Variants in OTOA observed in about 807,000 individuals in gnomAD.
The protein encoded by OTOA is cancer/testis antigen 108.
OTOA carries 70 observed loss-of-function variants against 110.8 expected under a neutral mutation model. The observed-to-expected ratio is 0.63, with a 90% CI of 0.52 to 0.77. The LOEUF is 0.77. OTOA is among the 30% of genes least tolerant of loss of function. The pLI, the probability that OTOA is intolerant of heterozygous loss-of-function variation, is 0.00. For synonymous variants in OTOA, 373 were observed against 431.5 expected (o/e 0.86, Z 1.68); for missense variants, 917 against 1,075.8 (o/e 0.85, Z 2.06).
rs143349872 is a variant in OTOA, at chr16:21,717,428, G to A, written c.1629+381G>A. Among the ~76,000 whole-genome samples, 518 of 152,208 alleles carry A rather than the reference G, an allele frequency of 3.4e-3. 2 individuals are homozygous for A. Among genetic ancestry groups the A allele is most frequent in the South Asian group, 0.014 (69 of 4,820 alleles). ...TCCACTCCAGTCTGGGCGACAGAGC[G>A]AGACCCTGTCTCTTAAAAAAAAAGT... On this transcript the variant is annotated intron_variant, in intron 15 of 28. Coordinates refer to ENST00000646100, the MANE Select transcript of OTOA (RefSeq NM_144672.4).
intron 10 of OTOA, 152 bp downstream of exon 10, chr16:21,698,027 C>T (rs1897979593): frequency 2.9e-6 from 2 of 687,820 alleles, no homozygotes; most frequent in Non-Finnish European, 5.1e-6. Context: ...CTGAAGAAAA[C>T]TATTGGAAGA....
intron 8 of OTOA, among the ~76,000 whole-genome samples, chr16:21,689,306 G>T (rs562206245): frequency 1.6e-4 from 24 of 152,218 alleles, no homozygotes; most frequent in Non-Finnish European, 1.2e-4. Context: ...TGACCTCATC[G>T]TTTCTCTAGG....
At chr16:21,684,721 T>C (rs1430909753) in intron 6 of OTOA, among the ~76,000 whole-genome samples, 1 of 73,732 alleles carries the variant, frequency 1.4e-5, no homozygotes, top group Non-Finnish European at 2.6e-5. Context: ...AGGAATCCCC[T>C]TATTATTATT....
At chr16:21,719,227 G>A (rs780423019) in intron 16 of OTOA, 36 bp downstream of exon 16, 3 of 1,610,446 alleles carry the variant, frequency 1.9e-6, no homozygotes, top group African/African-American at 1.3e-5. Context: ...TGCTGAACAG[G>A]CCTTTCAGAG....
intron 11 of OTOA, 107 bp downstream of exon 11, chr16:21,701,134 C>T: frequency 2.0e-6 from 3 of 1,529,552 alleles, no homozygotes; most frequent in Non-Finnish European, 2.7e-6. Flanking sequence ...GGTGGCTGGT[C>T]CATCTCTTTG....
At chr16:21,690,454 C>T (rs980344769) in intron 8 of OTOA, among the ~76,000 whole-genome samples, 4 of 149,920 alleles carry the variant, frequency 2.7e-5, no homozygotes, top group Admixed American at 2.0e-4. Context: ...GTTTCATTTT[C>T]TGTTCCTGCG....
chr16:21,695,332 G>A (rs1393764639), intron 9 of OTOA, among the ~76,000 whole-genome samples: 1 of 150,986 alleles, frequency 6.6e-6, no homozygotes, highest in Non-Finnish European at 1.5e-5. Flanking sequence ...GCTTCAGTGA[G>A]CTATGATCAT....
At position 21,714,259 on chromosome 16, in the gene OTOA, CTT is replaced by C. The variant is rs1390651737; in HGVS notation, c.1321-724_1321-723del. ...TCTTTCCTTTCTTTCTTTTTTCTTT[CTT>C]TCTTTCTTTCTTTCCTCCTTCCTTT... On this transcript the variant is annotated intron_variant, in intron 13 of 28. Coordinates refer to ENST00000646100, the MANE Select transcript of OTOA (RefSeq NM_144672.4). Among the ~76,000 whole-genome samples, 561 of 141,780 alleles carry C rather than the reference CTT, an allele frequency of 4.0e-3. 6 individuals carry two copies. The highest frequency in any genetic ancestry group is 0.014 in the African/African-American group (543 of 38,266). 93.0% of individuals were successfully genotyped at this position (141,780 alleles called of 152,430 possible).
chr16:21,688,081 A>G (rs1412039618), intron 8 of OTOA, among the ~76,000 whole-genome samples: 1 of 152,080 alleles, frequency 6.6e-6, no homozygotes, highest in Non-Finnish European at 1.5e-5. Flanking sequence ...CACGTTTTGG[A>G]GCAAAAGCTT....
rs1966873318 is a variant in OTOA at position 21,679,532 on chromosome 16, G to A, written c.179+321G>A. Among the ~76,000 whole-genome samples, 3 of 151,982 alleles carry A rather than the reference G, an allele frequency of 2.0e-5. No homozygotes were observed. In the South Asian group the frequency reaches 6.2e-4, roughly 32 times the overall value. On this transcript the variant is annotated intron_variant, in intron 5 of 28. Coordinates refer to ENST00000646100, the MANE Select transcript of OTOA (RefSeq NM_144672.4). ...CAATTTTCCTGCCTCAGCCTCCTGA[G>A]TAGCTGGGGTAACAGGTACCTGTCA...
intron 13 of OTOA, among the ~76,000 whole-genome samples, chr16:21,712,312 G>A (rs1898381171): frequency 6.6e-6 from 1 of 151,388 alleles, no homozygotes; most frequent in Non-Finnish European, 1.5e-5. Flanking sequence ...ACTGGGCTGA[G>A]CTACAGAGCA....
In OTOA at chr16:21,715,015, G is replaced by C. The variant is rs1276421471; in HGVS notation, c.1351G>C (p.Gly451Arg). The change falls in exon 14 of 29, where the codon GGC (glycine) becomes CGC (arginine). Residue 451 changes from glycine to arginine, a missense_variant. This residue lies in a region of OTOA where 840 missense variants were observed against 910.2 expected (regional missense o/e 0.92). Transcript: ENST00000646100. ...GTCTTTCTACAATGTCAGCCAGATG[G>C]GCGCACTGCTGGCTGGGGTCAGCAC... ...VLSFYNVSQM[G>R]ALLAGVSTQA... 1 of 1,614,078 alleles carries C rather than the reference G, an allele frequency of 6.2e-7. No individual in the cohort carries two copies. The highest frequency in any genetic ancestry group is 8.5e-7 in the Non-Finnish European group (1 of 1,180,026).
intron 21 of OTOA, among the ~76,000 whole-genome samples, chr16:21,733,175 A>G (rs1338996382): frequency 2.6e-5 from 3 of 113,522 alleles, no homozygotes; most frequent in Non-Finnish European, 5.5e-5. Flanking sequence ...AAATACCTAT[A>G]TAACAAGCCT....
chr16:21,707,398 T>G (rs1898198237), intron 12 of OTOA, among the ~76,000 whole-genome samples: 1 of 151,930 alleles, frequency 6.6e-6, no homozygotes, highest in Admixed American at 6.6e-5. Context: ...AAATACAGCT[T>G]GTGGCAGCGC....
At chr16:21,706,774 A>C (rs185527081) in intron 12 of OTOA, among the ~76,000 whole-genome samples, 12 of 151,982 alleles carry the variant, frequency 7.9e-5, no homozygotes, top group African/African-American at 2.9e-4. Flanking sequence ...TAAAGTCCCC[A>C]AACACATTTG....
Position 21,709,902 on chromosome 16 carries a change from C to T in OTOA, c.1119C>T (p.Leu373=), listed in dbSNP as rs376732939. The change falls in exon 13 of 29, where the codon CTC becomes CTT. Residue 373 remains leucine (L), a synonymous_variant. Transcript: ENST00000646100. Reference sequence around the variant, plus strand: ...TCTCCTTCCAGCTCAAAGCAGAACTCCTGGACATTGCCATGGAGAACCAGA... The same window carrying T: ...TCTCCTTCCAGCTCAAAGCAGAACTTCTGGACATTGCCATGGAGAACCAGA... ...QAGVQKLKAE[L]LDIAMENQTL... 1.5e-5 allele frequency: 24 copies of T among 1,613,720 alleles called. No homozygotes were observed. In the African/African-American group the frequency reaches 3.1e-4, roughly 21 times the overall value.
chr16:21,723,762 T>C (rs939461935), intron 18 of OTOA, among the ~76,000 whole-genome samples: 1 of 152,224 alleles, frequency 6.6e-6, no homozygotes, highest in African/African-American at 2.4e-5. Context: ...AGCTTTTCTC[T>C]GTTGGCTTCA....
intron 21 of OTOA, among the ~76,000 whole-genome samples, chr16:21,735,873 TA>T (rs1243795232): frequency 1.3e-5 from 2 of 152,134 alleles, no homozygotes; most frequent in Non-Finnish European, 2.9e-5. Flanking sequence ...GGATTACAGG[TA>T]TGAGCCACCA....
At chr16:21,682,906 G>A (rs989599517) in intron 6 of OTOA, among the ~76,000 whole-genome samples, 3 of 152,212 alleles carry the variant, frequency 2.0e-5, no homozygotes, top group Non-Finnish European at 4.4e-5. Flanking sequence ...GGAGGTGGCT[G>A]TTGGCCCCAC....
Sources: allele counts gnomAD v4.1 joint callset (sites outside exome capture counted in the v4.1 genomes callset), GRCh38; gene constraint gnomAD v4.1.1; regional missense constraint gnomAD v4.1.1; transcripts MANE v1.5; gene names NCBI Gene and HGNC (gene_info 2026-07-23, HGNC 2026-07-21).